Variants in EMC3 observed in about 807,000 individuals in gnomAD.
The protein encoded by EMC3 is 30 kDa protein.
A neutral mutation model predicts 36.6 loss-of-function variants in EMC3; 13 were observed. That is an observed-to-expected ratio of 0.35 (90% confidence interval 0.23 to 0.56). The LOEUF is 0.56. EMC3 is among the 20% of genes least tolerant of loss of function. EMC3 has a pLI of 0.84. For missense variants in EMC3, 220 were observed against 324.5 expected (o/e 0.68, Z 2.47); for synonymous variants, 120 against 111.9 (o/e 1.07, Z -0.46).
chr3:9,986,899 G>A (rs570045088), upstream of EMC3: 4 of 1,313,844 alleles, frequency 3.0e-6, no homozygotes, highest in Admixed American at 3.3e-5. Context: ...GAGCGGCGTC[G>A]GGCCTGGCGG....
At chr3:10,009,679 C>G (rs943534123) in intron 1 of EMC3, among the ~76,000 whole-genome samples, 2 of 152,232 alleles carry the variant, frequency 1.3e-5, no homozygotes, top group Non-Finnish European at 2.9e-5. Context: ...CACTCCCAGT[C>G]CAATTCACAG....
intron 1 of EMC3, among the ~76,000 whole-genome samples, chr3:9,995,135 A>T (rs1418556144): frequency 6.6e-5 from 10 of 152,188 alleles, no homozygotes; most frequent in Non-Finnish European, 1.5e-5. Context: ...GAGTGACGGT[A>T]TAAAGGGAGA....
chr3:9,986,242 C>T (rs1314068291), intron 1 of EMC3, among the ~76,000 whole-genome samples: 2 of 152,176 alleles, frequency 1.3e-5, no homozygotes, highest in African/African-American at 4.8e-5. Flanking sequence ...ATTAACAGTA[C>T]TGTTTTTTTC....
chr3:9,982,926 A>G (rs1232094185), intron 1 of EMC3, among the ~76,000 whole-genome samples: 2 of 151,980 alleles, frequency 1.3e-5, no homozygotes, highest in African/African-American at 4.8e-5. Flanking sequence ...CAACTAAAAC[A>G]CACCTTTTTC....
chr3:9,968,542 T>C (rs1302144156), intron 7 of EMC3: 1 of 152,220 alleles, frequency 6.6e-6, no homozygotes, highest in Non-Finnish European at 1.5e-5. Flanking sequence ...ACAGACATCC[T>C]TGTCTTGTTC....
chr3:9,987,379 C>G, upstream of EMC3: 1 of 857,930 alleles, frequency 1.2e-6, no homozygotes, highest in Non-Finnish European at 1.4e-6. Flanking sequence ...CCCCAAGCCT[C>G]GGCTTCCTCA....
intron 1 of EMC3, among the ~76,000 whole-genome samples, chr3:9,981,083 T>C (rs1209184680): frequency 6.6e-6 from 1 of 152,164 alleles, no homozygotes; most frequent in African/African-American, 2.4e-5. Context: ...CGTGTGCCTG[T>C]AGTCCCAGCT....
intron 1 of EMC3, chr3:10,000,623 A>C: frequency 2.2e-6 from 1 of 462,560 alleles, no homozygotes; most frequent in Non-Finnish European, 4.4e-6. Flanking sequence ...TGTAATAAAT[A>C]AGGCAGTGGC....
Position 9,972,342 on chromosome 3 carries a change from C to CA in EMC3, c.494+1285dup, listed in dbSNP as rs2085794101. Among the ~76,000 whole-genome samples the CA allele has an allele frequency of 2.6e-5, 4 of 151,836 alleles. No individual in the cohort carries two copies. The South Asian group carries it at 8.3e-4, about 32-fold the overall frequency. Reference sequence around the variant, plus strand: ...GTAACTTTCTGGGGGTTGATACATCCACCCCTGCATTCTTAAGCCCCCAAT... The same window carrying CA: ...GTAACTTTCTGGGGGTTGATACATCCAACCCCTGCATTCTTAAGCCCCCAAT... On this transcript the variant is annotated intron_variant, in intron 5 of 7. Transcript: ENST00000245046.
intron 1 of EMC3, among the ~76,000 whole-genome samples, chr3:10,000,241 T>G (rs1051883767): frequency 6.6e-6 from 1 of 152,094 alleles, no homozygotes; most frequent in Admixed American, 6.6e-5. Context: ...GGTTTCACCA[T>G]GTTGGCCAGG....
chr3:9,966,653 C>T (rs576737633), intron 7 of EMC3, among the ~76,000 whole-genome samples: 8 of 152,068 alleles, frequency 5.3e-5, no homozygotes, highest in African/African-American at 1.9e-4. Context: ...CGGCTCACTG[C>T]AACCTCTGCC....
intron 1 of EMC3, among the ~76,000 whole-genome samples, chr3:10,001,963 C>T (rs1013194353): frequency 1.3e-5 from 2 of 152,178 alleles, no homozygotes; most frequent in Admixed American, 6.5e-5. Context: ...CACGCCACTG[C>T]ACTCCAGCCT....
intron 7 of EMC3, among the ~76,000 whole-genome samples, chr3:9,967,146 T>C (rs770373871): frequency 1.9e-4 from 29 of 152,314 alleles, no homozygotes; most frequent in Middle Eastern, 3.4e-3. Flanking sequence ...AGTAATATCA[T>C]GCAATATTAA....
At chr3:9,987,341 G>C (rs2085988934), upstream of EMC3, 1 of 984,518 alleles carries the variant, frequency 1.0e-6, no homozygotes, top group Non-Finnish European at 1.2e-6. Flanking sequence ...TCCGGGCCGC[G>C]GTCGGCGTTC....
At chr3:9,996,903 G>A (rs1182908982) in intron 1 of EMC3, among the ~76,000 whole-genome samples, 1 of 152,082 alleles carries the variant, frequency 6.6e-6, no homozygotes, top group East Asian at 1.9e-4. Flanking sequence ...GTAATATAAA[G>A]TTTCTTCATT....
chr3:10,008,412 G>T (rs370568279), intron 1 of EMC3: 117 of 1,367,646 alleles, frequency 8.6e-5, no homozygotes, highest in Non-Finnish European at 1.0e-4. Flanking sequence ...ACCTGGGCCG[G>T]CATGCAGGCC....
At chr3:9,997,729 G>T (rs1462256742) in intron 1 of EMC3, among the ~76,000 whole-genome samples, 1 of 152,088 alleles carries the variant, frequency 6.6e-6, no homozygotes, top group Non-Finnish European at 1.5e-5. Flanking sequence ...CAAAGTGCTG[G>T]GACTACAGGC....
At chr3:10,002,277 T>TTTTTA (rs1553604624) in intron 1 of EMC3, among the ~76,000 whole-genome samples, 46 of 148,144 alleles carry the variant, frequency 3.1e-4, no homozygotes, top group Admixed American at 6.7e-4. Flanking sequence ...GCAGTTTCTT[T>TTTTTA]TTTTATTTTA....
At chr3:9,987,646 A>C (rs779266860), upstream of EMC3, among the ~76,000 whole-genome samples, 50 of 152,218 alleles carry the variant, frequency 3.3e-4, no homozygotes, top group Non-Finnish European at 6.2e-4. Context: ...GGAGCTATTC[A>C]ACAGATTCAT....
Sources: allele counts gnomAD v4.1 joint callset (sites outside exome capture counted in the v4.1 genomes callset), GRCh38; gene constraint gnomAD v4.1.1; transcripts MANE v1.5; gene names NCBI Gene and HGNC (gene_info 2026-07-23, HGNC 2026-07-21).